ANKRD13C: variants seen among roughly 807,000 people sequenced by gnomAD.
The protein encoded by ANKRD13C is ankyrin repeat domain 13C.
ANKRD13C carries 16 observed loss-of-function variants against 65.5 expected under a neutral mutation model. The ratio of observed to expected loss-of-function variants is 0.24; its 90% CI spans 0.17 to 0.37. The LOEUF (loss-of-function observed/expected upper bound fraction) is 0.37. ANKRD13C is among the 10% of genes least tolerant of loss of function. The pLI is 1.00. For synonymous variants in ANKRD13C, 235 were observed against 238.7 expected (o/e 0.98, Z 0.14); for missense variants, 503 against 655.9 (o/e 0.77, Z 2.55).
chr1:70,267,535 A>C lies in ANKRD13C; in HGVS notation c.1495+3321T>G, dbSNP rs1336952286. ...ATTACAGGGATGAGCCACTGCACCC[A>C]GCCTGGATCATGTTTTTTAATCCAC... On this transcript the variant is annotated intron_variant, in intron 12 of 12. Transcript: ENST00000370944. Among the ~76,000 whole-genome samples, 7 of 152,198 alleles carry C rather than the reference A, an allele frequency of 4.6e-5. No homozygotes were observed. In the South Asian group the frequency reaches 1.5e-3, roughly 32 times the overall value.
chr1:70,332,761 T>C lies in ANKRD13C; in HGVS notation c.472+3297A>G, dbSNP rs1681868181. 2.0e-5 allele frequency among the ~76,000 whole-genome samples: 3 copies of C among 152,138 alleles called. 1 individual carries two copies. Among genetic ancestry groups the C allele is most frequent in the African/African-American group, 7.2e-5 (3 of 41,426 alleles). On this transcript the variant is annotated intron_variant, in intron 2 of 12. Transcript: ENST00000370944. ...GATTACAGACGTGAGCCACCACGGC[T>C]GGCTGAAATACATTTTAAAACAGGC...
At chr1:70,298,871 A>T (rs1471287199) in intron 7 of ANKRD13C, among the ~76,000 whole-genome samples, 1 of 152,232 alleles carries the variant, frequency 6.6e-6, no homozygotes, top group East Asian at 1.9e-4. Context: ...CATATGGCCC[A>T]CAAATATATT....
In ANKRD13C at chr1:70,297,289, T is replaced by G. The variant is rs1440637079; in HGVS notation, c.922-1028A>C. On this transcript the variant is annotated intron_variant, in intron 7 of 12. Transcript: ENST00000370944. ...AACCTACATAGAGTCCCTTTCTGAT[T>G]TTTTTTTTTTTTTTTTTTTTTTGAG... Among the ~76,000 whole-genome samples, 254 of 128,904 alleles carry G rather than the reference T, an allele frequency of 2.0e-3. 7 individuals carry two copies. Among genetic ancestry groups the G allele is most frequent in the African/African-American group, 6.9e-3 (228 of 32,818 alleles). 84.6% of individuals were successfully genotyped at this position (128,904 alleles called of 152,430 possible).
At chr1:70,317,028 T>TA (rs946068426) in intron 3 of ANKRD13C, among the ~76,000 whole-genome samples, 2 of 148,098 alleles carry the variant, frequency 1.4e-5, no homozygotes, top group African/African-American at 5.0e-5. Flanking sequence ...AGAAGGCGAA[T>TA]AAAAAAAGAA....
chr1:70,291,240 T>TG (rs1679854941), intron 9 of ANKRD13C, among the ~76,000 whole-genome samples: 1 of 150,344 alleles, frequency 6.7e-6, no homozygotes, highest in Non-Finnish European at 1.5e-5. Flanking sequence ...AAGCTGGTCT[T>TG]GAACTCCTGA....
chr1:70,331,798 G>A (rs1208712975), intron 2 of ANKRD13C, among the ~76,000 whole-genome samples: 1 of 132,482 alleles, frequency 7.5e-6, no homozygotes, highest in East Asian at 2.2e-4. Flanking sequence ...CTCCAGCCTA[G>A]GCAACAGAGC....
At chr1:70,310,515 A>C (rs2101440525) in intron 5 of ANKRD13C, among the ~76,000 whole-genome samples, 1 of 152,334 alleles carries the variant, frequency 6.6e-6, no homozygotes, top group Middle Eastern at 3.4e-3. Context: ...TCAAAGAAGA[A>C]ATACTTTGGA....
chr1:70,285,092 T>G (rs1420109318), intron 9 of ANKRD13C, among the ~76,000 whole-genome samples: 1 of 152,100 alleles, frequency 6.6e-6, no homozygotes, highest in Non-Finnish European at 1.5e-5. Context: ...GACTTGAAAA[T>G]TAATATAGCA....
At chr1:70,330,401 T>TA (rs1681731961) in intron 2 of ANKRD13C, among the ~76,000 whole-genome samples, 2 of 150,958 alleles carry the variant, frequency 1.3e-5, no homozygotes, top group African/African-American at 4.9e-5. Flanking sequence ...CTACTAAAAA[T>TA]AAAAAACTTA....
intron 3 of ANKRD13C, among the ~76,000 whole-genome samples, chr1:70,321,986 C>T (rs1681327678): frequency 6.6e-6 from 1 of 152,082 alleles, no homozygotes; most frequent in Admixed American, 6.6e-5. Flanking sequence ...GCCAAAAAAT[C>T]AAAAACTTAA....
chr1:70,322,186 G>A (rs1038387547), intron 3 of ANKRD13C, among the ~76,000 whole-genome samples: 6 of 152,004 alleles, frequency 3.9e-5, no homozygotes, highest in Non-Finnish European at 8.8e-5. Context: ...ACTGTGGCAG[G>A]TGCCTGTAGT....
At chr1:70,349,857 C>T (rs1041623544) in intron 1 of ANKRD13C, among the ~76,000 whole-genome samples, 8 of 152,260 alleles carry the variant, frequency 5.3e-5, no homozygotes, top group Admixed American at 2.0e-4. Context: ...TACTCTTGGC[C>T]GGGCATGGTG....
At chr1:70,325,893 T>C (rs571609709) in intron 2 of ANKRD13C, among the ~76,000 whole-genome samples, 1 of 149,120 alleles carries the variant, frequency 6.7e-6, no homozygotes, top group East Asian at 2.0e-4. Context: ...TAAAATAAAA[T>C]AAAAATTAAA....
At chr1:70,343,872 C>T (rs72678644) in intron 1 of ANKRD13C, among the ~76,000 whole-genome samples, 17,770 of 152,158 alleles carry the variant, frequency 0.12, 1,255 homozygotes, top group East Asian at 0.33. Flanking sequence ...AAACACTGGC[C>T]GGTACAGTGG....
chr1:70,324,923 T>A lies in ANKRD13C; in HGVS notation c.507A>T (p.Pro169=), dbSNP rs1285233826. 1 of 1,611,538 alleles carries A rather than the reference T, an allele frequency of 6.2e-7. No homozygotes were observed. Among genetic ancestry groups the A allele is most frequent in the Admixed American group, 1.7e-5 (1 of 59,952 alleles). The change falls in exon 3 of 13, where the codon CCA becomes CCT. Residue 169 remains proline (P), a synonymous_variant. Coordinates refer to ENST00000370944, the MANE Select transcript of ANKRD13C (RefSeq NM_030816.5). The part of the protein sequence containing the change: ...CAHLLLAHNA[P]VKVKNAQGWS... ...ATCCCTGAGCATTTTTCACCTTGAC[T>A]GGAGCATTGTGAGCCAAAAGTAAAT...
intron 9 of ANKRD13C, among the ~76,000 whole-genome samples, chr1:70,286,691 A>C (rs1412356984): frequency 6.6e-6 from 1 of 152,220 alleles, no homozygotes; most frequent in Admixed American, 6.5e-5. Context: ...AATATACAAA[A>C]GACTACAGAA....
intron 2 of ANKRD13C, among the ~76,000 whole-genome samples, chr1:70,331,160 G>A (rs1169411596): frequency 6.6e-6 from 1 of 152,180 alleles, no homozygotes. Flanking sequence ...GAAACAGAAC[G>A]TGCCCTTCAA....
chr1:70,323,101 A>C (rs950890956), intron 3 of ANKRD13C, among the ~76,000 whole-genome samples: 4 of 152,160 alleles, frequency 2.6e-5, no homozygotes, highest in Non-Finnish European at 4.4e-5. Context: ...AATCAGAGGA[A>C]GTTTCTTCAG....
chr1:70,306,245 T>C lies in ANKRD13C; in HGVS notation c.755A>G (p.Tyr252Cys). 6.3e-7 allele frequency: 1 copy of C among 1,580,066 alleles called. No homozygotes were observed. Among genetic ancestry groups the C allele is most frequent in the Non-Finnish European group, 8.6e-7 (1 of 1,161,492 alleles). Reference protein sequence around the residue: ...RILPSDACKIYKQGINIRLDT... With the variant: ...RILPSDACKICKQGINIRLDT... ...TTACCTGATATTGATACCTTGTTTG[T>C]ATATTTTACATGCATCGGAAGGCAG... Residue 252 changes from tyrosine (Y) to cysteine (C), a missense_variant, in exon 6 of 13, where the codon TAC becomes TGC. Coordinates refer to ENST00000370944, the MANE Select transcript of ANKRD13C (RefSeq NM_030816.5).
Sources: allele counts gnomAD v4.1 joint callset (sites outside exome capture counted in the v4.1 genomes callset), GRCh38; gene constraint gnomAD v4.1.1; transcripts MANE v1.5; gene names NCBI Gene and HGNC (gene_info 2026-07-23, HGNC 2026-07-21).